The following ARID4B variants were observed in gnomAD, a reference collection of about 807,000 sequenced individuals.
The protein encoded by ARID4B is AT-rich interaction domain 4B.
A neutral mutation model predicts 147.5 loss-of-function variants in ARID4B; 26 were observed. That is an observed-to-expected ratio of 0.18 (90% CI 0.13 to 0.24). The LOEUF (loss-of-function observed/expected upper bound fraction) is 0.24. Ranked by LOEUF, ARID4B falls within the 10% of genes least tolerant of loss-of-function variation. The probability of loss-of-function intolerance (pLI) is 1.00; values close to 1 mark genes in which losing one functional copy is unlikely to be tolerated. For synonymous variants in ARID4B, 512 were observed against 507.9 expected, an observed-to-expected ratio of 1.01 and a Z score of -0.11; for missense variants, 1,179 against 1,511.5, an observed-to-expected ratio of 0.78 and a Z score of 3.65.
Position 235,213,936 on chromosome 1 carries a change from A to G in ARID4B, c.1674T>C (p.Asp558=). 2 of 1,611,876 alleles carry G rather than the reference A, an allele frequency of 1.2e-6. No homozygotes were observed. The highest frequency in any genetic ancestry group is 1.7e-6 in the Non-Finnish European group (2 of 1,178,214). The stretch of plus-strand genomic sequence containing the variant: ...CAAACTCCTCTTCCTCATTGTTGTC[A>G]TCATCATCTTCATCCTCTTCTTCTT... ...EEEEEEDEDD[D]DNNEEEEFEC... is the part of the protein sequence containing the mutation. The change falls in exon 17 of 24, where the codon GAT becomes GAC. Residue 558 remains aspartate (D), a synonymous_variant. Transcript: ENST00000264183.
In ARID4B at chr1:235,257,177, T is replaced by A. The variant is rs1253796971; in HGVS notation, c.166A>T (p.Ile56Leu). Residue 56 changes from isoleucine to leucine, a missense_variant, in exon 4 of 24, where the codon ATA becomes TTA. Physicochemically the swap from Ile to Leu is conservative, Grantham distance 5 (BLOSUM62 2). Coordinates refer to ENST00000264183, the MANE Select transcript of ARID4B (RefSeq NM_016374.6). ...TGAATTACCTTTAGTGGGCCCTTTA[T>A]GTGGTCATCCTGAACTTCCACTGTT... is the stretch of plus-strand genomic sequence containing the variant. ...SSTVEVQDDH[I>L]KGPLKVGAIV... is the part of the protein sequence containing the mutation. The A allele has an allele frequency of 6.2e-7, 1 of 1,612,220 alleles. No homozygotes were observed. The highest frequency in any genetic ancestry group is 2.2e-5 in the East Asian group (1 of 44,810).
intron 2 of ARID4B, among the ~76,000 whole-genome samples, chr1:235,292,964 T>C (rs1354692127): frequency 2.0e-5 from 3 of 152,214 alleles, no homozygotes; most frequent in South Asian, 2.1e-4. Context: ...AATGAATACG[T>C]AGATAGCTCT....
rs368654227 is a variant in ARID4B at position 235,200,102 on chromosome 1, C to T, written c.1842-3987G>A. Among the ~76,000 whole-genome samples the T allele has an allele frequency of 9.9e-5, 15 of 151,924 alleles. 1 individual carries two copies. The highest frequency in any genetic ancestry group is 4.6e-4 in the Admixed American group (7 of 15,266). On this transcript the variant is annotated intron_variant, in intron 17 of 23. Transcript: ENST00000264183. ...GGGAGGCCCAGACAGGCAGATCACC[C>T]GAGGCCAGGAGTTCGAGACCAGCCT...
intron 17 of ARID4B, among the ~76,000 whole-genome samples, chr1:235,202,287 A>T (rs1415184829): frequency 6.6e-6 from 1 of 151,988 alleles, no homozygotes; most frequent in Non-Finnish European, 1.5e-5. Flanking sequence ...TGATTAGCCT[A>T]TACTTTTTCA....
intron 13 of ARID4B, among the ~76,000 whole-genome samples, chr1:235,222,405 A>G (rs1053152064): frequency 1.3e-5 from 2 of 152,324 alleles, no homozygotes; most frequent in African/African-American, 2.4e-5. Context: ...TCTCAATTGG[A>G]TAAGTATCGT....
At chr1:235,272,845 G>A (rs1033897122) in intron 2 of ARID4B, among the ~76,000 whole-genome samples, 1 of 151,948 alleles carries the variant, frequency 6.6e-6, no homozygotes, top group Non-Finnish European at 1.5e-5. Context: ...TCTTTTTAAA[G>A]AAGATTTTGT....
intron 2 of ARID4B, among the ~76,000 whole-genome samples, chr1:235,302,153 GAAAAAAAAAAAAA>G (rs749154889): frequency 6.5e-5 from 2 of 30,666 alleles, no homozygotes; most frequent in Non-Finnish European, 1.1e-4. Flanking sequence ...TCAAAAAACG[GAAAAAAAAAAAAA>G]AAAAAAAAAA....
intron 1 of ARID4B, 195 bp from the exon 2 acceptor site, chr1:235,327,163 G>A (rs916242548): frequency 3.9e-6 from 2 of 506,390 alleles, no homozygotes; most frequent in East Asian, 3.4e-5. Flanking sequence ...CACCTACACA[G>A]CTCGGCAGCT....
At chr1:235,208,136 A>G (rs1177236100) in intron 17 of ARID4B, among the ~76,000 whole-genome samples, 2 of 152,224 alleles carry the variant, frequency 1.3e-5, no homozygotes, top group African/African-American at 4.8e-5. Flanking sequence ...GTATTGATAC[A>G]CTATTACAAA....
intron 16 of ARID4B, among the ~76,000 whole-genome samples, chr1:235,214,509 C>T (rs1666926035): frequency 6.6e-6 from 1 of 152,114 alleles, no homozygotes; most frequent in South Asian, 2.1e-4. Flanking sequence ...AAGCTGGAGG[C>T]CTCAGGAAGT....
chr1:235,310,038 T>C (rs1558303918), intron 2 of ARID4B, among the ~76,000 whole-genome samples: 1 of 151,924 alleles, frequency 6.6e-6, no homozygotes, highest in Non-Finnish European at 1.5e-5. Flanking sequence ...ACACAAACAC[T>C]GCGGAAGGCC....
intron 11 of ARID4B, among the ~76,000 whole-genome samples, chr1:235,226,077 C>T (rs1374465085): frequency 1.1e-4 from 16 of 152,094 alleles, no homozygotes; most frequent in Non-Finnish European, 2.9e-5. Context: ...CACAATTTTT[C>T]CTATTCCAAA....
At position 235,281,984 on chromosome 1, in the gene ARID4B, G is replaced by C. The variant is rs79638472; in HGVS notation, c.7-21232C>G. On this transcript the variant is annotated intron_variant, in intron 2 of 23. Coordinates refer to ENST00000264183, the MANE Select transcript of ARID4B (RefSeq NM_016374.6). Reference sequence around the variant, plus strand: ...GATCTCTAAAACTTTCCTATTTTGGGTAAAATACTAGCCTAGGAACATACA... The same window carrying C: ...GATCTCTAAAACTTTCCTATTTTGGCTAAAATACTAGCCTAGGAACATACA... Among the ~76,000 whole-genome samples the C allele has an allele frequency of 8.9e-3, 1,357 of 152,170 alleles. 21 individuals carry two copies. The highest frequency in any genetic ancestry group is 0.031 in the African/African-American group (1,307 of 41,520).
intron 2 of ARID4B, among the ~76,000 whole-genome samples, chr1:235,312,079 A>G (rs367885864): frequency 2.4e-4 from 37 of 151,922 alleles, no homozygotes; most frequent in African/African-American, 8.2e-4. Flanking sequence ...CACGAGCTCA[A>G]GAGATCAAGA....
chr1:235,255,064 T>C (rs1004296169), intron 5 of ARID4B, among the ~76,000 whole-genome samples: 3 of 151,926 alleles, frequency 2.0e-5, no homozygotes, highest in African/African-American at 7.2e-5. Context: ...TAGGATACAG[T>C]AGGTATCCTA....
chr1:235,314,326 A>C (rs2103286890), intron 2 of ARID4B, among the ~76,000 whole-genome samples: 2 of 152,338 alleles, frequency 1.3e-5, no homozygotes, highest in South Asian at 2.1e-4. Context: ...AGTGTAAAGC[A>C]TTTTAAATAT....
chr1:235,236,693 A>AG (rs1558233140), intron 8 of ARID4B, among the ~76,000 whole-genome samples: 12 of 149,296 alleles, frequency 8.0e-5, no homozygotes, highest in Non-Finnish European at 1.3e-4. Flanking sequence ...TTTGTATTTT[A>AG]GTAAAGATAG....
At chr1:235,235,946 T>C (rs79081185) in intron 8 of ARID4B, among the ~76,000 whole-genome samples, 3 of 132,566 alleles carry the variant, frequency 2.3e-5, no homozygotes, top group African/African-American at 3.4e-5. Context: ...TTTCTTTTTC[T>C]TTTTTTTTTT....
chr1:235,270,214 T>C (rs1248775958), intron 2 of ARID4B, among the ~76,000 whole-genome samples: 2 of 151,664 alleles, frequency 1.3e-5, no homozygotes, highest in Admixed American at 6.6e-5. Context: ...ACCCAGGAGG[T>C]GGTGCTTGCA....
Sources: gnomAD v4.1 joint callset for allele counts (sites outside exome capture counted in the v4.1 genomes callset) on GRCh38, gnomAD v4.1.1 for gene constraint, MANE v1.5 for transcripts, NCBI Gene and HGNC (gene_info 2026-07-23, HGNC 2026-07-21) for gene names.